The following NFIB variants were observed in gnomAD, a reference collection of about 807,000 sequenced individuals.
NFIB encodes nuclear factor I B.
Under a neutral mutation model 61.5 loss-of-function variants are expected in NFIB, and 11 were observed. That is an observed-to-expected ratio of 0.18 (90% CI 0.11 to 0.30). NFIB has a LOEUF of 0.30. Among genes scored for constraint, NFIB ranks in the 10% least tolerant of loss-of-function variants. The pLI is 1.00. For missense variants in NFIB, 471 were observed against 608.9 expected (o/e 0.77, Z 2.38); for synonymous variants, 260 against 216.5 (o/e 1.20, Z -1.76).
chr9:14,229,708 G>GTA (rs2052880725), intron 2 of NFIB, among the ~76,000 whole-genome samples: 1 of 152,026 alleles, frequency 6.6e-6, no homozygotes. Context: ...TTCCCTTCCG[G>GTA]GCTTCAGGGC....
chr9:14,226,970 T>C (rs879362682), intron 2 of NFIB, among the ~76,000 whole-genome samples: 7 of 139,840 alleles, frequency 5.0e-5, no homozygotes, highest in Non-Finnish European at 1.1e-4. Flanking sequence ...TGAAACTCCG[T>C]CTCTAATAAA....
At chr9:14,256,008 G>C (rs1353048990) in intron 2 of NFIB, among the ~76,000 whole-genome samples, 2 of 152,220 alleles carry the variant, frequency 1.3e-5, no homozygotes, top group African/African-American at 2.4e-5. Context: ...GTGATCTTGA[G>C]AAGTCCCTTA....
chr9:14,166,898 G>A (rs565372808), intron 3 of NFIB, among the ~76,000 whole-genome samples: 2 of 152,150 alleles, frequency 1.3e-5, no homozygotes, highest in South Asian at 2.1e-4. Flanking sequence ...ACAGAATACC[G>A]CATTTATTGA....
chr9:14,277,311 G>A (rs2058065052), intron 2 of NFIB, among the ~76,000 whole-genome samples: 1 of 148,694 alleles, frequency 6.7e-6, no homozygotes, highest in African/African-American at 2.5e-5. Context: ...CAATATGCAT[G>A]TGCACCCGCG....
At chr9:14,470,777 G>A in the NFIB span, among the ~76,000 whole-genome samples, 1 of 152,190 alleles carries the variant, frequency 6.6e-6, no homozygotes. Flanking sequence ...AAAGAAGACT[G>A]GACAAAGAGC....
intron 1 of NFIB, among the ~76,000 whole-genome samples, chr9:14,342,947 C>A (rs1564019481): frequency 6.6e-6 from 1 of 151,398 alleles, no homozygotes; most frequent in Non-Finnish European, 1.5e-5. Flanking sequence ...ATGTTGTTTT[C>A]ATATGTTTTT....
intron 3 of NFIB, among the ~76,000 whole-genome samples, chr9:14,163,545 A>G: frequency 6.6e-6 from 1 of 152,026 alleles, no homozygotes; most frequent in Non-Finnish European, 1.5e-5. Context: ...AAAGATAATT[A>G]TAAATGGATA....
chr9:14,295,221 C>T (rs573305310), intron 2 of NFIB, among the ~76,000 whole-genome samples: 1 of 152,004 alleles, frequency 6.6e-6, no homozygotes, highest in South Asian at 2.1e-4. Context: ...CAAAACAATT[C>T]ATGCAACTGA....
At chr9:14,274,022 TTGG>T (rs2057814916) in intron 2 of NFIB, among the ~76,000 whole-genome samples, 1 of 152,160 alleles carries the variant, frequency 6.6e-6, no homozygotes, top group South Asian at 2.1e-4. Context: ...ACAAGTATTT[TTGG>T]AAGTCTTGTT....
intron 1 of NFIB, among the ~76,000 whole-genome samples, chr9:14,387,633 T>A (rs1369625340): frequency 1.3e-5 from 2 of 152,136 alleles, no homozygotes; most frequent in African/African-American, 4.8e-5. Context: ...ATTAGGAAAA[T>A]GCAAATTAAG....
chr9:14,097,830 A>G (rs1435384215), intron 10 of NFIB, among the ~76,000 whole-genome samples: 12 of 149,434 alleles, frequency 8.0e-5, no homozygotes, highest in Admixed American at 8.0e-4. Context: ...GGATAAAATG[A>G]GAGCTATTAC....
chr9:14,277,649 A>G (rs1022656012), intron 2 of NFIB, among the ~76,000 whole-genome samples: 3 of 152,198 alleles, frequency 2.0e-5, no homozygotes, highest in African/African-American at 7.2e-5. Context: ...CTTGCCATAG[A>G]TTAGAAGCCA....
chr9:14,415,390 A>T, the NFIB span, among the ~76,000 whole-genome samples: 7 of 152,354 alleles, frequency 4.6e-5, no homozygotes, highest in African/African-American at 1.4e-4. Context: ...ATACTATGTT[A>T]CAATGTAACA....
chr9:14,326,633 G>A (rs922193528), intron 1 of NFIB, among the ~76,000 whole-genome samples: 1 of 144,764 alleles, frequency 6.9e-6, no homozygotes, highest in African/African-American at 2.5e-5. Flanking sequence ...GCTAAATAGA[G>A]ACAGACTCAG....
the NFIB span, among the ~76,000 whole-genome samples, chr9:14,409,828 A>G: frequency 6.6e-6 from 1 of 152,240 alleles, no homozygotes; most frequent in African/African-American, 2.4e-5. Flanking sequence ...TGATAAGAGA[A>G]GGTATTATAA....
chr9:14,306,244 C>A (rs1007837328), intron 2 of NFIB, among the ~76,000 whole-genome samples: 2 of 152,054 alleles, frequency 1.3e-5, no homozygotes, highest in African/African-American at 4.8e-5. Flanking sequence ...CTGTAAGCAG[C>A]GCTGCGACTT....
chr9:14,422,176 G>C, the NFIB span, among the ~76,000 whole-genome samples: 1 of 152,174 alleles, frequency 6.6e-6, no homozygotes, highest in Non-Finnish European at 1.5e-5. Context: ...CTCCGACCCA[G>C]GAAGATGAGA....
intron 1 of NFIB, among the ~76,000 whole-genome samples, chr9:14,343,083 C>T (rs1243492156): frequency 6.6e-6 from 1 of 152,110 alleles, no homozygotes; most frequent in Non-Finnish European, 1.5e-5. Context: ...GAGGGGATGC[C>T]ACCATTTTGC....
chr9:14,255,263 C>T (rs1014095465), intron 2 of NFIB, among the ~76,000 whole-genome samples: 7 of 152,102 alleles, frequency 4.6e-5, no homozygotes, highest in Non-Finnish European at 8.8e-5. Flanking sequence ...CTTGGCTGAA[C>T]CATGAGGAGT....
Sources: gnomAD v4.1 joint callset for allele counts (sites outside exome capture counted in the v4.1 genomes callset) on GRCh38, gnomAD v4.1.1 for gene constraint, MANE v1.5 for transcripts, NCBI Gene and HGNC (gene_info 2026-07-23, HGNC 2026-07-21) for gene names.